Variants in LANCL1 observed in about 807,000 individuals in gnomAD.
LANCL1 encodes glutathione S-transferase LANCL1.
In LANCL1, 50 loss-of-function variants were observed where a neutral mutation model predicts 50.6. The ratio of observed to expected loss-of-function variants is 0.99; its 90% CI spans 0.79 to 1.25. The LOEUF (loss-of-function observed/expected upper bound fraction) is 1.25, where lower values mean the gene tolerates loss of function less well. Ranked by LOEUF, LANCL1 falls within the 50% of genes most tolerant of loss-of-function variation. LANCL1 has a pLI of 0.00. For missense variants in LANCL1, 532 were observed against 480.7 expected (o/e 1.11, Z -1.00); for synonymous variants, 188 against 178.6 (o/e 1.05, Z -0.42).
At chr2:210,452,821 C>T (rs1693549932) in intron 4 of LANCL1, among the ~76,000 whole-genome samples, 1 of 151,942 alleles carries the variant, frequency 6.6e-6, no homozygotes, top group South Asian at 2.1e-4. Context: ...AGCAAGCTAG[C>T]TAGAACATGA....
At chr2:210,457,713 C>T (rs1196287480) in intron 3 of LANCL1, among the ~76,000 whole-genome samples, 1 of 152,174 alleles carries the variant, frequency 6.6e-6, no homozygotes, top group Non-Finnish European at 1.5e-5. Context: ...TCATCAGTTT[C>T]AGCCATTTTC....
chr2:210,476,174 T>C, intron 2 of LANCL1, 142 bp downstream of exon 2: 2 of 569,540 alleles, frequency 3.5e-6, no homozygotes, highest in Non-Finnish European at 6.4e-6. Flanking sequence ...TATTAACATG[T>C]ATTTTTAAAT....
intron 2 of LANCL1, among the ~76,000 whole-genome samples, chr2:210,475,629 A>T (rs1694333792): frequency 6.6e-6 from 1 of 152,208 alleles, no homozygotes; most frequent in African/African-American, 2.4e-5. Context: ...CACTGCACCC[A>T]GCCAAAAGTA....
intron 3 of LANCL1, among the ~76,000 whole-genome samples, chr2:210,467,274 A>T (rs780352717): frequency 6.6e-6 from 1 of 152,230 alleles, no homozygotes; most frequent in Admixed American, 6.5e-5. Flanking sequence ...GAAATGAAAA[A>T]GCAAAAACGT....
At chr2:210,441,571 T>C (rs4673526) in intron 4 of LANCL1, 128 bp from the exon 5 acceptor site, 403,442 of 671,316 alleles carry the variant, frequency 0.6, 124,307 homozygotes, top group East Asian at 0.83. Flanking sequence ...TAATATCTAT[T>C]TATAGAACAG....
chr2:210,438,139 T>TC (rs1693002267), intron 6 of LANCL1, among the ~76,000 whole-genome samples: 1 of 149,360 alleles, frequency 6.7e-6, no homozygotes, highest in African/African-American at 2.5e-5. Context: ...CTTTCTTTTT[T>TC]TTTTTTTTTT....
At position 210,455,315 on chromosome 2, in the gene LANCL1, C is replaced by A. The variant is rs1163914877; in HGVS notation, c.200-1G>T. ...AGATGTAAGTAAAGCACAGCAATACCTGAAAAAAAAAAAAGGAAACAATGT... is the reference window on the plus strand; with the variant it reads ...AGATGTAAGTAAAGCACAGCAATACATGAAAAAAAAAAAAGGAAACAATGT... On this transcript the variant is annotated splice_acceptor_variant, in intron 3 of 9. Transcript: ENST00000450366. LOFTEE classifies it high-confidence loss of function. The A allele has an allele frequency of 5.1e-6, 6 of 1,181,796 alleles. No individual in the cohort carries two copies. Among genetic ancestry groups the A allele is most frequent in the Admixed American group, 6.7e-5 (2 of 29,734 alleles). The allele number at this position is 1,181,796 out of a possible 1,614,324, so 73.2% of individuals were successfully genotyped here.
At chr2:210,452,293 T>C (rs1318508819) in intron 4 of LANCL1, among the ~76,000 whole-genome samples, 1 of 152,020 alleles carries the variant, frequency 6.6e-6, no homozygotes, top group Non-Finnish European at 1.5e-5. Context: ...AGGTTATATA[T>C]TTCTGGACCA....
At chr2:210,455,387 A>G in intron 3 of LANCL1, 73 bp from the exon 4 acceptor site, 1 of 1,257,336 alleles carries the variant, frequency 8.0e-7, no homozygotes, top group Non-Finnish European at 1.1e-6. Flanking sequence ...CATGGTGTCT[A>G]CTCAGCAGCG....
At position 210,476,527 on chromosome 2, in the gene LANCL1, G is replaced by A. The variant is rs537494580; in HGVS notation, c.-17+93C>T. 104 of 1,408,702 alleles carry A rather than the reference G, an allele frequency of 7.4e-5. No homozygotes were observed. In the African/African-American group the frequency reaches 1.4e-3, roughly 19 times the overall value. The allele number at this position is 1,408,702 out of a possible 1,614,324, so 87.3% of individuals were successfully genotyped here. A position where few individuals can be genotyped will look rare whatever the true frequency, so the allele number is the denominator to read the frequency against. ...CCTCCAGCTCCAGGGCCATCGAGCC[G>A]TCTCGGCGGTCCGAGTGGACCTCGG... On this transcript the variant is annotated intron_variant, in intron 1 of 9. Transcript: ENST00000450366.
chr2:210,441,199 C>A, intron 5 of LANCL1, 109 bp downstream of exon 5: 1 of 1,124,114 alleles, frequency 8.9e-7, no homozygotes, highest in Non-Finnish European at 1.3e-6. Context: ...TCCAGATACA[C>A]CTTCCTTTAT....
chr2:210,471,979 G>A lies in LANCL1; in HGVS notation c.179C>T (p.Thr60Ile). Reference sequence around the variant, plus strand: ...CATACCTGCCCAGCCAGTGTAACCGGTGCCATCCCGAGGGTCTGCTGATTT... The same window carrying A: ...CATACCTGCCCAGCCAGTGTAACCGATGCCATCCCGAGGGTCTGCTGATTT... ...GLKSADPRDG[T>I]GYTGWAGIAV... is the part of the protein sequence containing the mutation. Residue 60 changes from threonine to isoleucine, a missense_variant, in exon 3 of 10, where the codon ACC becomes ATC. By Grantham distance (89) the Thr-to-Ile change is moderately conservative (BLOSUM62 -1). Coordinates refer to ENST00000450366, the MANE Select transcript of LANCL1 (RefSeq NM_006055.3). The A allele has an allele frequency of 1.9e-6, 3 of 1,613,364 alleles. No individual in the cohort carries two copies. Among genetic ancestry groups the A allele is most frequent in the Non-Finnish European group, 2.5e-6 (3 of 1,179,298 alleles).
At chr2:210,471,614 T>C (rs549225686) in intron 3 of LANCL1, 20 of 481,306 alleles carry the variant, frequency 4.2e-5, no homozygotes, top group East Asian at 1.9e-4. Flanking sequence ...GCTTCAGGCA[T>C]TGTATTTTGG....
At chr2:210,441,253 G>A in intron 5 of LANCL1, 55 bp downstream of exon 5, 2 of 1,551,530 alleles carry the variant, frequency 1.3e-6, no homozygotes, top group South Asian at 2.3e-5. Flanking sequence ...AGTTTAGGCA[G>A]ATAGTAAGTA....
rs1455655069 is a variant in LANCL1, at chr2:210,433,200, GA to G, written c.*1286del. On this transcript the variant is annotated 3_prime_UTR_variant, in exon 10 of 10. Coordinates refer to ENST00000450366, the MANE Select transcript of LANCL1 (RefSeq NM_006055.3). ...AACAAGCCAGGCAAAGGCAGTAATA[GA>G]AAGAGTAGAAGCTGATGAGTCAAAA... 4.6e-5 allele frequency: 7 copies of G among 152,562 alleles called. No individual in the cohort carries two copies. The highest frequency in any genetic ancestry group is 3.3e-4 in the Admixed American group (5 of 15,282). 9.5% of individuals were successfully genotyped at this position (152,562 alleles called of 1,614,324 possible). A position where few individuals can be genotyped will look rare whatever the true frequency, so the allele number is the denominator to read the frequency against.
intron 9 of LANCL1, among the ~76,000 whole-genome samples, chr2:210,434,933 G>C (rs577242953): frequency 6.8e-4 from 103 of 152,048 alleles, no homozygotes; most frequent in South Asian, 1.5e-3. Flanking sequence ...ATCTATCTAC[G>C]TTTACATACA....
intron 4 of LANCL1, among the ~76,000 whole-genome samples, chr2:210,444,729 T>G (rs888817314): frequency 1.3e-5 from 2 of 152,172 alleles, no homozygotes; most frequent in Non-Finnish European, 2.9e-5. Context: ...GAAACTTGGC[T>G]AGAGGTTTCT....
chr2:210,466,288 G>T (rs985496307), intron 3 of LANCL1, among the ~76,000 whole-genome samples: 2 of 152,134 alleles, frequency 1.3e-5, no homozygotes, highest in African/African-American at 4.8e-5. Context: ...GGGTCATAAG[G>T]ACCTCTCAGG....
intron 3 of LANCL1, among the ~76,000 whole-genome samples, chr2:210,462,161 C>G (rs540155884): frequency 4.6e-5 from 7 of 152,262 alleles, no homozygotes; most frequent in African/African-American, 1.7e-4. Context: ...CCACTGGGAA[C>G]CACTCAGTAG....
Sources: gnomAD v4.1 joint callset for allele counts (sites outside exome capture counted in the v4.1 genomes callset) on GRCh38, gnomAD v4.1.1 for gene constraint, MANE v1.5 for transcripts, NCBI Gene and HGNC (gene_info 2026-07-23, HGNC 2026-07-21) for gene names.